C4orf50: variants seen among roughly 807,000 people sequenced by gnomAD.
The protein encoded by C4orf50 is chromosome 4 open reading frame 50, also known as uncharacterized protein C4orf50.
A neutral mutation model predicts 77.2 loss-of-function variants in C4orf50; 80 were observed. That is an observed-to-expected ratio of 1.04 (90% confidence interval 0.87 to 1.25). The LOEUF is 1.25. Ranked by LOEUF, C4orf50 falls within the 50% of genes most tolerant of loss-of-function variation. The pLI is 0.00. For synonymous variants in C4orf50, 532 were observed against 465.3 expected (o/e 1.14, Z -1.84); for missense variants, 1,257 against 1,152.9 (o/e 1.09, Z -1.31).
intron 7 of C4orf50, among the ~76,000 whole-genome samples, chr4:5,923,856 G>C (rs563793394): frequency 6.6e-6 from 1 of 152,338 alleles, no homozygotes; most frequent in African/African-American, 2.4e-5. Flanking sequence ...TGGGCTGGGA[G>C]AGGCAGACCT....
At chr4:6,004,142 G>A (rs1722055758) in intron 25 of C4orf50, among the ~76,000 whole-genome samples, 1 of 113,686 alleles carries the variant, frequency 8.8e-6, no homozygotes, top group Non-Finnish European at 1.9e-5. Context: ...TGGTGATGGT[G>A]ATGATGGTGA....
rs1722400156 is a variant in C4orf50, at chr4:6,009,513, A to C, written c.427-981T>G. On this transcript the variant is annotated intron_variant, in intron 24 of 33. Transcript: ENST00000531445. This position sits in a 1 kb window ranked among gnomAD's most constrained non-coding sequence, Gnocchi z 5.6. ...AGTCAGGGTCAGATTCCCTGGGAGG[A>C]CAATTCTCCTGGTCTTCCTGAAGGC... 6.6e-6 allele frequency among the ~76,000 whole-genome samples: 1 copy of C among 152,170 alleles called. No homozygotes were observed. Among genetic ancestry groups the C allele is most frequent in the Admixed American group, 6.5e-5 (1 of 15,274 alleles).
chr4:5,951,459 C>T (rs1279972668), intron 7 of C4orf50, among the ~76,000 whole-genome samples: 1 of 152,114 alleles, frequency 6.6e-6, no homozygotes, highest in Non-Finnish European at 1.5e-5. Flanking sequence ...ATACTGGTAT[C>T]CCAGTCTGTC....
At position 6,015,658 on chromosome 4, in the gene C4orf50, G is replaced by A. The variant is rs992791989; in HGVS notation, c.287+2487C>T. On this transcript the variant is annotated intron_variant, in intron 23 of 33. Transcript: ENST00000531445. The surrounding 1 kb of genome is among the most constrained non-coding windows in gnomAD (Gnocchi z 4.4). ...ACCACAAGCTTGGCGGCCAGAAGTCGGAATCAGTCTTCCTGAGCTAGTCGA... is the reference window on the plus strand; with the variant it reads ...ACCACAAGCTTGGCGGCCAGAAGTCAGAATCAGTCTTCCTGAGCTAGTCGA... 9.2e-5 allele frequency among the ~76,000 whole-genome samples: 14 copies of A among 152,088 alleles called. No individual in the cohort carries two copies. Among genetic ancestry groups the A allele is most frequent in the Non-Finnish European group, 2.1e-4 (14 of 68,014 alleles).
chr4:5,998,536 T>C (rs1721696746), intron 25 of C4orf50, among the ~76,000 whole-genome samples: 1 of 152,220 alleles, frequency 6.6e-6, no homozygotes, highest in Non-Finnish European at 1.5e-5. Flanking sequence ...TGCCAGGGCA[T>C]AGAGGCTGGC....
downstream of C4orf50, among the ~76,000 whole-genome samples, chr4:5,955,301 C>A (rs560353037): frequency 6.6e-6 from 1 of 151,890 alleles, no homozygotes; most frequent in Non-Finnish European, 1.5e-5. The surrounding 1 kb of genome is among the most constrained non-coding windows in gnomAD (Gnocchi z 5.1). Flanking sequence ...ATCACCGAGG[C>A]GGGGAGAGGT....
chr4:5,961,858 T>A (rs1719296129), intron 33 of C4orf50, among the ~76,000 whole-genome samples: 1 of 152,198 alleles, frequency 6.6e-6, no homozygotes, highest in South Asian at 2.1e-4. Flanking sequence ...GTAATAGATT[T>A]GTGTGACGTG....
At chr4:5,995,616 G>C (rs1430171579) in intron 25 of C4orf50, among the ~76,000 whole-genome samples, 1 of 152,154 alleles carries the variant, frequency 6.6e-6, no homozygotes, top group Non-Finnish European at 1.5e-5. Flanking sequence ...GCCCGGTGCT[G>C]TTGGCTGCCT....
rs73795162 is a variant in C4orf50 at position 6,005,673 on chromosome 4, T to A, written c.963+2323A>T. On this transcript the variant is annotated intron_variant, in intron 25 of 33. Coordinates refer to ENST00000531445, the Ensembl canonical transcript of C4orf50. ...ATCTGTTCAGTGGGTAAACAGCACC[T>A]GTCTCACAAGGCTGTCCTAAGGATT... Among the ~76,000 whole-genome samples the A allele has an allele frequency of 6.0e-3, 910 of 152,208 alleles. 5 individuals are homozygous for A. The highest frequency in any genetic ancestry group is 9.7e-3 in the Non-Finnish European group (658 of 68,012).
At chr4:5,912,078 C>CACAG (rs1269104636) in intron 7 of C4orf50, among the ~76,000 whole-genome samples, 1 of 14,806 alleles carries the variant, frequency 6.8e-5, no homozygotes, top group Non-Finnish European at 1.2e-4. Context: ...AAAAAAACCA[C>CACAG]ACAAACAAAC....
rs1719094871 is a variant in C4orf50 at position 5,958,530 on chromosome 4, C to A, written c.*845G>T. On this transcript the variant is annotated 3_prime_UTR_variant, in exon 34 of 34. Coordinates refer to ENST00000531445, the Ensembl canonical transcript of C4orf50. This position sits in a 1 kb window ranked among gnomAD's most constrained non-coding sequence, Gnocchi z 5.4. ...TGTCCCAAGCCAAGTAGAACGGACC[C>A]TTACCTTCATCCCGTTGCTCAGGGC... The A allele has an allele frequency of 6.6e-6, 1 of 152,168 alleles. No individual in the cohort carries two copies. The highest frequency in any genetic ancestry group is 6.5e-5 in the Admixed American group (1 of 15,270). The allele number at this position is 152,168 out of a possible 1,614,324, so 9.4% of individuals were successfully genotyped here. A position where few individuals can be genotyped will look rare whatever the true frequency, so the allele number is the denominator to read the frequency against.
chr4:5,941,902 T>C (rs1718284647), intron 7 of C4orf50, among the ~76,000 whole-genome samples: 1 of 152,224 alleles, frequency 6.6e-6, no homozygotes, highest in Non-Finnish European at 1.5e-5. Flanking sequence ...AAGTCTTCTC[T>C]AAATGAAATA....
Position 5,932,602 on chromosome 4 carries a change from A to AT in C4orf50, c.*2474+24298dup, listed in dbSNP as rs1331430997. Among the ~76,000 whole-genome samples, 3 of 152,026 alleles carry AT rather than the reference A, an allele frequency of 2.0e-5. No homozygotes were observed. The highest frequency in any genetic ancestry group is 4.4e-5 in the Non-Finnish European group (3 of 68,002). On this transcript the variant is annotated intron_variant, in intron 7 of 7. Coordinates refer to the C4orf50 transcript ENST00000324058. The surrounding 1 kb of genome is among the most constrained non-coding windows in gnomAD (Gnocchi z 4.2). ...AGGTGCATGCAACCACGCCCAGCTA[A>AT]TTTTTATTTTTTAATTTTTTATAGA...
intron 23 of C4orf50, among the ~76,000 whole-genome samples, chr4:6,016,442 G>A (rs550823560): frequency 2.0e-5 from 3 of 152,290 alleles, no homozygotes; most frequent in South Asian, 2.1e-4. Context: ...CCAGCTACTC[G>A]GGAGGCTGAG....
rs1577902292 is a variant in C4orf50 at position 5,932,176 on chromosome 4, C to G, written c.*2474+24725G>C. Among the ~76,000 whole-genome samples, 1 of 151,992 alleles carries G rather than the reference C, an allele frequency of 6.6e-6. No individual in the cohort carries two copies. Among genetic ancestry groups the G allele is most frequent in the African/African-American group, 2.4e-5 (1 of 41,386 alleles). ...AGGTGTAAACCCACTGGCTGGCTATCTTCACAGGCAGGTGAACCATGCACA... is the reference window on the plus strand; with the variant it reads ...AGGTGTAAACCCACTGGCTGGCTATGTTCACAGGCAGGTGAACCATGCACA... On this transcript the variant is annotated intron_variant, in intron 7 of 7. Transcript: ENST00000324058. The surrounding 1 kb of genome is among the most constrained non-coding windows in gnomAD (Gnocchi z 4.2).
At position 6,011,343 on chromosome 4, in the gene C4orf50, C is replaced by A; in HGVS notation, c.426+487G>T. On this transcript the variant is annotated intron_variant, in intron 24 of 33. Coordinates refer to ENST00000531445, the Ensembl canonical transcript of C4orf50. The surrounding 1 kb of genome is among the most constrained non-coding windows in gnomAD (Gnocchi z 4.2). ...CTCCCACACCTCTGTGCTACGGCCC[C>A]GTGCTGTCAGCCACGCCTCACATGC... Among the ~76,000 whole-genome samples, 1 of 152,130 alleles carries A rather than the reference C, an allele frequency of 6.6e-6. No homozygotes were observed. Among genetic ancestry groups the A allele is most frequent in the Middle Eastern group, 3.2e-3 (1 of 316 alleles).
At chr4:5,961,332 T>C (rs1410468520) in intron 33 of C4orf50, among the ~76,000 whole-genome samples, 2 of 152,122 alleles carry the variant, frequency 1.3e-5, no homozygotes, top group Non-Finnish European at 2.9e-5. Context: ...ACAACTATAA[T>C]AATAATGATA....
At chr4:5,971,088 T>A (rs1474710558) in intron 31 of C4orf50, among the ~76,000 whole-genome samples, 1 of 152,124 alleles carries the variant, frequency 6.6e-6, no homozygotes, top group Non-Finnish European at 1.5e-5. Context: ...GGAAGGTACA[T>A]CAGCCCTCCA....
chr4:5,956,177 C>A (rs768355059), downstream of C4orf50, among the ~76,000 whole-genome samples: 2 of 152,204 alleles, frequency 1.3e-5, no homozygotes, highest in Non-Finnish European at 2.9e-5. Context: ...CTTCTGGAAC[C>A]TTCCACTCCA....
Sources: allele counts gnomAD v4.1 joint callset (sites outside exome capture counted in the v4.1 genomes callset), GRCh38; gene constraint gnomAD v4.1.1; non-coding constraint Gnocchi (gnomAD v3.1); transcripts MANE v1.5; gene names NCBI Gene and HGNC (gene_info 2026-07-23, HGNC 2026-07-21).